NLRC5: variants seen among roughly 807,000 people sequenced by gnomAD.
NLRC5 encodes protein NLRC5.
NLRC5 carries 114 observed loss-of-function variants against 206.9 expected under a neutral mutation model. The observed-to-expected ratio is 0.55, with a 90% CI of 0.47 to 0.64. The LOEUF (loss-of-function observed/expected upper bound fraction) is 0.64. NLRC5 is among the 30% of genes least tolerant of loss of function. The pLI is 0.00. For synonymous variants in NLRC5, 952 were observed against 962.8 expected (o/e 0.99, Z 0.21); for missense variants, 2,008 against 2,305.5 (o/e 0.87, Z 2.64).
At chr16:57,051,164 C>A (rs1054462280) in intron 23 of NLRC5, among the ~76,000 whole-genome samples, 4 of 152,080 alleles carry the variant, frequency 2.6e-5, no homozygotes, top group Non-Finnish European at 5.9e-5. Context: ...CAGCTGCATT[C>A]TTTTCTTAAC....
chr16:57,055,240 C>A (rs944033064), intron 26 of NLRC5, 146 bp downstream of exon 26: 33 of 967,886 alleles, frequency 3.4e-5, no homozygotes, highest in Non-Finnish European at 4.7e-5. Context: ...TTTCACCCAG[C>A]ATGAAGAAAC....
intron 47 of NLRC5, 132 bp from the exon 48 acceptor site, chr16:57,081,395 T>G: frequency 1.0e-6 from 1 of 960,292 alleles, no homozygotes; most frequent in Non-Finnish European, 1.6e-6. Flanking sequence ...TGTTGTCTTT[T>G]GGGTTCCCTG....
intron 1 of NLRC5, among the ~76,000 whole-genome samples, chr16:57,015,967 C>T (rs1414621463): frequency 1.4e-5 from 2 of 143,292 alleles, no homozygotes; most frequent in African/African-American, 2.6e-5. Flanking sequence ...AGAAAAGAAG[C>T]ACTTAAAGAG....
intron 1 of NLRC5, chr16:57,013,879 TATG>T (rs1487417847): frequency 1.5e-5 from 9 of 607,528 alleles, no homozygotes; most frequent in Non-Finnish European, 1.8e-5. Flanking sequence ...CACACTATTT[TATG>T]ATATCATATG....
At chr16:57,074,802 A>G (rs555760794) in intron 39 of NLRC5, 119 bp downstream of exon 39, 4 of 939,408 alleles carry the variant, frequency 4.3e-6, no homozygotes, top group Non-Finnish European at 6.8e-6. Context: ...GATCCCTCCC[A>G]GGCCCATCCC....
At chr16:57,077,640 G>A (rs765808622) in intron 41 of NLRC5, 79 bp from the exon 42 acceptor site, 281 of 1,401,900 alleles carry the variant, frequency 2.0e-4, no homozygotes, top group Non-Finnish European at 2.7e-4. Context: ...CTGAAGCAGG[G>A]GTGGCAGACC....
chr16:57,057,520 A>G (rs2084092284), intron 27 of NLRC5, among the ~76,000 whole-genome samples: 1 of 152,278 alleles, frequency 6.6e-6, no homozygotes, highest in African/African-American at 2.4e-5. Flanking sequence ...TTCCCAGATT[A>G]AAAGAAGAAA....
chr16:57,082,403 T>C lies in NLRC5; in HGVS notation c.5490-14T>C. On this transcript the variant is annotated splice_polypyrimidine_tract_variant and intron_variant, in intron 48 of 48. Coordinates refer to ENST00000688547, the MANE Select transcript of NLRC5 (RefSeq NM_001384950.1). The stretch of plus-strand genomic sequence containing the variant: ...ATGGGAGGATGAATGAGTGCCTATA[T>C]CTGTGCCCCACAGCCTCTGGAATAA... 6.3e-7 allele frequency: 1 copy of C among 1,594,254 alleles called. No homozygotes were observed. Among genetic ancestry groups the C allele is most frequent in the South Asian group, 1.1e-5 (1 of 89,622 alleles).
chr16:57,015,491 C>T (rs1404291424), intron 1 of NLRC5, among the ~76,000 whole-genome samples: 1 of 152,088 alleles, frequency 6.6e-6, no homozygotes, highest in Non-Finnish European at 1.5e-5. Context: ...GTGACCCATG[C>T]CTGCAGTCCC....
Position 57,067,385 on chromosome 16 carries a change from A to G in NLRC5, c.4323-2A>G. 1 of 1,614,052 alleles carries G rather than the reference A, an allele frequency of 6.2e-7. No homozygotes were observed. The highest frequency in any genetic ancestry group is 8.5e-7 in the Non-Finnish European group (1 of 1,179,874). ...AACTGTCGTCTCCCTGTCTGTGTCC[A>G]GGTTGGCTCACTGTGACCTTGGAGC... On this transcript the variant is annotated splice_acceptor_variant, in intron 34 of 48. Coordinates refer to ENST00000688547, the MANE Select transcript of NLRC5 (RefSeq NM_001384950.1). LOFTEE classifies it high-confidence loss of function.
chr16:57,019,691 A>G (rs2060455148), intron 2 of NLRC5, among the ~76,000 whole-genome samples: 1 of 152,224 alleles, frequency 6.6e-6, no homozygotes, highest in Non-Finnish European at 1.5e-5. Context: ...AGGAAGGAGC[A>G]AAGAAGAATA....
At chr16:56,992,459 T>A (rs1445626516) in intron 1 of NLRC5, 1 of 151,446 alleles carries the variant, frequency 6.6e-6, no homozygotes, top group African/African-American at 2.4e-5. Flanking sequence ...TTTATTTTAT[T>A]TATTTATTTA....
chr16:57,043,161 A>T (rs1262482502), intron 19 of NLRC5, among the ~76,000 whole-genome samples: 1 of 152,084 alleles, frequency 6.6e-6, no homozygotes, highest in African/African-American at 2.4e-5. Flanking sequence ...GAGACCCTGC[A>T]TTTTCATTTT....
intron 1 of NLRC5, among the ~76,000 whole-genome samples, chr16:57,005,100 C>T (rs560394514): frequency 1.3e-5 from 2 of 152,250 alleles, no homozygotes; most frequent in African/African-American, 4.8e-5. Context: ...GGTAACACTT[C>T]GAACGGAAAG....
rs769755229 is a variant in NLRC5, at chr16:57,070,617, G to A, written c.4666G>A (p.Asp1556Asn). The change falls in exon 38 of 49, where the codon GAC (aspartate) becomes AAC (asparagine). Residue 1556 changes from aspartate to asparagine, a missense_variant and splice_region_variant. Asp to Asn is a conservative substitution (Grantham distance 23). Transcript: ENST00000688547. Reference protein sequence around the residue: ...LEGKWMLKRLDLSHLLLNSST... With the variant: ...LEGKWMLKRLNLSHLLLNSST... ...GGGGAAATGGATGCTAAAGAGGCTG[G>A]AGTAAGTAGTGATGGTGGTTGTGGG... The A allele has an allele frequency of 5.6e-6, 9 of 1,613,866 alleles. No individual in the cohort carries two copies. The highest frequency in any genetic ancestry group is 7.6e-6 in the Non-Finnish European group (9 of 1,179,748).
intron 1 of NLRC5, among the ~76,000 whole-genome samples, chr16:56,994,235 G>A (rs1289291779): frequency 2.0e-5 from 3 of 152,090 alleles, no homozygotes; most frequent in Non-Finnish European, 2.9e-5. Flanking sequence ...GAGAGAAGGT[G>A]GAGGGAGGTT....
rs184713349 is a variant in NLRC5 at position 57,077,787 on chromosome 16, G to A, written c.4988G>A (p.Arg1663His). Residue 1663 changes from arginine to histidine, a missense_variant, in exon 42 of 49, where the codon CGC (arginine) becomes CAC (histidine). Physicochemically the swap from Arg to His is conservative, Grantham distance 29 (BLOSUM62 0). Transcript: ENST00000688547. ...QLAESLVLCR[R>H]LEELMLGCNA... ...GCAGAGTCTCTCGTTCTTTGCAGGC[G>A]CCTGGAGGAGTTGATGTGAGTGTCT... The A allele has an allele frequency of 7.5e-5, 121 of 1,603,528 alleles. No homozygotes were observed. The East Asian group carries it at 1.6e-3, about 21-fold the overall frequency.
intron 19 of NLRC5, among the ~76,000 whole-genome samples, chr16:57,042,981 G>T (rs185087552): frequency 7.2e-4 from 110 of 152,262 alleles, no homozygotes; most frequent in African/African-American, 2.6e-3. Flanking sequence ...GTCCTCATGT[G>T]ACCTTCTTAT....
intron 48 of NLRC5, 116 bp from the exon 49 acceptor site, chr16:57,082,301 C>T (rs2069247379): frequency 6.6e-6 from 5 of 756,894 alleles, no homozygotes; most frequent in Non-Finnish European, 4.4e-6. Flanking sequence ...ACACCTGCCT[C>T]TGCCAGGTAA....
Sources: allele counts gnomAD v4.1 joint callset (sites outside exome capture counted in the v4.1 genomes callset), GRCh38; gene constraint gnomAD v4.1.1; transcripts MANE v1.5; gene names NCBI Gene and HGNC (gene_info 2026-07-23, HGNC 2026-07-21).